The following TENM2 variants were observed in gnomAD, a reference collection of about 807,000 sequenced individuals.
TENM2 encodes the protein teneurin-2.
Under a neutral mutation model 245.2 loss-of-function variants are expected in TENM2, and 52 were observed. That is an observed-to-expected ratio of 0.21 (90% CI 0.17 to 0.27). The LOEUF (loss-of-function observed/expected upper bound fraction) is 0.27, where lower values mean the gene tolerates loss of function less well. Among genes scored for constraint, TENM2 ranks in the 10% least tolerant of loss-of-function variants. TENM2 has a pLI of 1.00. For synonymous variants in TENM2, 1,363 were observed against 1,438.9 expected, an observed-to-expected ratio of 0.95 and a Z score of 1.19; for missense variants, 3,046 against 3,666.8, an observed-to-expected ratio of 0.83 and a Z score of 4.37.
At chr5:167,431,866 A>G (rs1764239553) in intron 2 of TENM2, among the ~76,000 whole-genome samples, 1 of 146,542 alleles carries the variant, frequency 6.8e-6, no homozygotes, top group Non-Finnish European at 1.5e-5. Flanking sequence ...TACAGTGAGA[A>G]TCATTATGAA....
intron 2 of TENM2, among the ~76,000 whole-genome samples, chr5:167,473,772 A>T (rs1443359039): frequency 2.6e-5 from 4 of 152,182 alleles, no homozygotes; most frequent in African/African-American, 7.2e-5. Flanking sequence ...CTGTTTCCTT[A>T]TTTAGAAAAT....
chr5:167,690,423 C>T (rs1161591823), intron 2 of TENM2, among the ~76,000 whole-genome samples: 1 of 151,944 alleles, frequency 6.6e-6, no homozygotes, highest in Non-Finnish European at 1.5e-5. Context: ...GTAGATTTGC[C>T]AAAGAGCTCC....
At chr5:167,855,085 G>T (rs939475730) in intron 2 of TENM2, among the ~76,000 whole-genome samples, 1 of 152,148 alleles carries the variant, frequency 6.6e-6, no homozygotes. Context: ...CAAAGACCTT[G>T]CAGTGGCTTC....
chr5:167,833,839 CA>C (rs1164308420), intron 2 of TENM2, among the ~76,000 whole-genome samples: 1 of 152,190 alleles, frequency 6.6e-6, no homozygotes, highest in Non-Finnish European at 1.5e-5. Flanking sequence ...AAATCTTTCC[CA>C]ATTCCAGATG....
At chr5:167,012,514 A>G in the TENM2 span, among the ~76,000 whole-genome samples, 7 of 152,206 alleles carry the variant, frequency 4.6e-5, no homozygotes, top group African/African-American at 1.7e-4. Flanking sequence ...GTGGTTTATT[A>G]GTGTAGGGAA....
the TENM2 span, among the ~76,000 whole-genome samples, chr5:167,201,820 G>C: frequency 6.6e-6 from 1 of 152,104 alleles, no homozygotes; most frequent in Non-Finnish European, 1.5e-5. Context: ...CTGATTGGCT[G>C]ACTGATATAA....
the TENM2 span, among the ~76,000 whole-genome samples, chr5:166,992,500 G>C: frequency 6.6e-6 from 1 of 152,084 alleles, no homozygotes; most frequent in Admixed American, 6.6e-5. Context: ...TTCAATGAGA[G>C]GGTTACAAAT....
intron 1 of TENM2, among the ~76,000 whole-genome samples, chr5:167,333,065 T>A (rs550741766): frequency 6.6e-6 from 1 of 152,300 alleles, no homozygotes; most frequent in African/African-American, 2.4e-5. Context: ...GGACTGGAAA[T>A]TTCAAAATGA....
chr5:167,764,627 C>T (rs770859755), intron 2 of TENM2, among the ~76,000 whole-genome samples: 7 of 152,120 alleles, frequency 4.6e-5, no homozygotes, highest in Non-Finnish European at 8.8e-5. Context: ...CTAAATAGAG[C>T]GCATTCTTAG....
intron 3 of TENM2, among the ~76,000 whole-genome samples, chr5:167,910,104 A>G (rs1045290320): frequency 6.6e-6 from 1 of 152,168 alleles, no homozygotes; most frequent in Admixed American, 6.5e-5. Flanking sequence ...AATGCAACAC[A>G]ATGAAAATGT....
intron 2 of TENM2, among the ~76,000 whole-genome samples, chr5:167,536,073 C>A (rs1248091112): frequency 6.6e-6 from 1 of 152,114 alleles, no homozygotes; most frequent in Non-Finnish European, 1.5e-5. Flanking sequence ...TTACACCATG[C>A]AGAGTGTGAA....
At chr5:167,502,208 T>C (rs1299330306) in intron 2 of TENM2, among the ~76,000 whole-genome samples, 1 of 152,212 alleles carries the variant, frequency 6.6e-6, no homozygotes, top group Admixed American at 6.5e-5. Context: ...ATATTAAGGA[T>C]TCAACTCACT....
At chr5:167,006,930 G>T in the TENM2 span, among the ~76,000 whole-genome samples, 1 of 152,188 alleles carries the variant, frequency 6.6e-6, no homozygotes, top group African/African-American at 2.4e-5. Context: ...GCCTCCGAAA[G>T]TGCTGGGGTG....
intron 25 of TENM2, among the ~76,000 whole-genome samples, chr5:168,238,895 C>G (rs555191043): frequency 3.3e-5 from 5 of 152,294 alleles, no homozygotes; most frequent in African/African-American, 1.2e-4. Context: ...CTTACAAACA[C>G]AAAATTGTAT....
At chr5:167,303,700 A>C (rs1056106078) in intron 1 of TENM2, among the ~76,000 whole-genome samples, 1 of 152,114 alleles carries the variant, frequency 6.6e-6, no homozygotes, top group African/African-American at 2.4e-5. Flanking sequence ...TCTCCTTTTC[A>C]ATGTGAATAT....
At chr5:167,719,758 T>C (rs1029471272) in intron 2 of TENM2, among the ~76,000 whole-genome samples, 2 of 152,212 alleles carry the variant, frequency 1.3e-5, no homozygotes, top group African/African-American at 4.8e-5. Flanking sequence ...TGTCTGGTGA[T>C]GTTTTTGTTT....
chr5:167,496,780 C>A (rs909855353), intron 2 of TENM2, among the ~76,000 whole-genome samples: 2 of 152,036 alleles, frequency 1.3e-5, no homozygotes, highest in African/African-American at 4.8e-5. Context: ...CACTGTAGAA[C>A]CGGGGATGCT....
chr5:167,011,184 GGT>G, the TENM2 span, among the ~76,000 whole-genome samples: 5 of 152,234 alleles, frequency 3.3e-5, no homozygotes, highest in East Asian at 5.8e-4. Context: ...TACTTCCTCT[GGT>G]TTTCTTGTAC....
intron 2 of TENM2, among the ~76,000 whole-genome samples, chr5:167,646,177 C>T (rs1215652799): frequency 1.2e-5 from 1 of 84,158 alleles, no homozygotes; most frequent in Non-Finnish European, 2.3e-5. Context: ...ATGTTGTTTT[C>T]ATATATATAT....
Sources: allele counts gnomAD v4.1 joint callset (sites outside exome capture counted in the v4.1 genomes callset), GRCh38; gene constraint gnomAD v4.1.1; transcripts MANE v1.5; gene names NCBI Gene and HGNC (gene_info 2026-07-23, HGNC 2026-07-21).